SPAG16: variants seen among roughly 807,000 people sequenced by gnomAD.
The protein encoded by SPAG16 is sperm associated antigen 16.
In SPAG16, 86 loss-of-function variants were observed where a neutral mutation model predicts 80.4. That is an observed-to-expected ratio of 1.07 (90% CI 0.90 to 1.28). The LOEUF is 1.28. Ranked by LOEUF, SPAG16 falls within the 50% of genes most tolerant of loss-of-function variation. SPAG16 has a pLI of 0.00. For synonymous variants in SPAG16, 294 were observed against 265.9 expected (o/e 1.11, Z -1.03); for missense variants, 870 against 765.3 (o/e 1.14, Z -1.61).
intron 15 of SPAG16, among the ~76,000 whole-genome samples, chr2:214,209,214 T>C (rs1404012659): frequency 6.6e-6 from 1 of 152,098 alleles, no homozygotes; most frequent in Non-Finnish European, 1.5e-5. Context: ...AGTGTAGTTA[T>C]TATATCTCTT....
intron 15 of SPAG16, among the ~76,000 whole-genome samples, chr2:214,297,710 T>C (rs1290508886): frequency 6.6e-6 from 1 of 152,150 alleles, no homozygotes; most frequent in African/African-American, 2.4e-5. Context: ...TTTATTTTTG[T>C]ATCAGAACCA....
intron 13 of SPAG16, among the ~76,000 whole-genome samples, chr2:214,019,493 T>G (rs777778506): frequency 6.6e-6 from 1 of 152,176 alleles, no homozygotes; most frequent in Non-Finnish European, 1.5e-5. Flanking sequence ...CGGGCACTTG[T>G]CCAGCTTACA....
chr2:213,502,123 T>C (rs2074768017), intron 10 of SPAG16, among the ~76,000 whole-genome samples: 1 of 152,148 alleles, frequency 6.6e-6, no homozygotes, highest in Non-Finnish European at 1.5e-5. Flanking sequence ...TGTATCTTTG[T>C]TGTTGTTGCT....
At chr2:214,327,646 ATTAAC>A (rs1340225219) in intron 15 of SPAG16, among the ~76,000 whole-genome samples, 4 of 152,190 alleles carry the variant, frequency 2.6e-5, no homozygotes, top group African/African-American at 4.8e-5. Flanking sequence ...AATTCAAACT[ATTAAC>A]TTAGCTACAT....
intron 13 of SPAG16, among the ~76,000 whole-genome samples, chr2:214,042,855 T>C (rs775999518): frequency 3.3e-5 from 5 of 152,186 alleles, no homozygotes; most frequent in Middle Eastern, 3.2e-3. Flanking sequence ...GAAGTTTTGA[T>C]GAAATATAGC....
intron 14 of SPAG16, among the ~76,000 whole-genome samples, chr2:214,130,478 A>T (rs568424665): frequency 9.8e-5 from 15 of 152,292 alleles, no homozygotes; most frequent in African/African-American, 3.4e-4. Context: ...CAAACCTGAG[A>T]TCTTTCTTCT....
intron 15 of SPAG16, among the ~76,000 whole-genome samples, chr2:214,320,200 TG>T (rs1039398821): frequency 2.6e-5 from 4 of 152,318 alleles, no homozygotes; most frequent in African/African-American, 9.6e-5. Context: ...CTGTTTTCTT[TG>T]GGTCCTTAGT....
intron 8 of SPAG16, among the ~76,000 whole-genome samples, chr2:213,369,301 A>T (rs1185377699): frequency 6.6e-6 from 1 of 152,212 alleles, no homozygotes; most frequent in Non-Finnish European, 1.5e-5. Flanking sequence ...AAAATGTTAA[A>T]TTCTGGTTAA....
chr2:214,128,502 T>G (rs1290051848), intron 14 of SPAG16, among the ~76,000 whole-genome samples: 1 of 151,826 alleles, frequency 6.6e-6, no homozygotes, highest in Non-Finnish European at 1.5e-5. Context: ...TACCCTCAAC[T>G]TTGGCCAGTT....
chr2:213,837,400 A>C (rs552269172), intron 10 of SPAG16, among the ~76,000 whole-genome samples: 1 of 152,346 alleles, frequency 6.6e-6, no homozygotes, highest in South Asian at 2.1e-4. Flanking sequence ...AAAATTACAA[A>C]TGACTCCCAA....
intron 9 of SPAG16, among the ~76,000 whole-genome samples, chr2:213,480,269 A>C (rs1367310159): frequency 6.6e-6 from 1 of 152,250 alleles, no homozygotes; most frequent in Admixed American, 6.5e-5. Flanking sequence ...AACTTTGGGC[A>C]TAAACTTGCA....
At chr2:213,888,091 C>G (rs1372193009) in intron 11 of SPAG16, among the ~76,000 whole-genome samples, 3 of 151,808 alleles carry the variant, frequency 2.0e-5, no homozygotes. Context: ...ACAGTGTTTA[C>G]CTTGAAGGAG....
At chr2:214,337,344 C>G (rs1261653862) in intron 15 of SPAG16, among the ~76,000 whole-genome samples, 1 of 151,920 alleles carries the variant, frequency 6.6e-6, no homozygotes, top group Non-Finnish European at 1.5e-5. Flanking sequence ...TTAGACACCT[C>G]TCACACAGTT....
intron 10 of SPAG16, among the ~76,000 whole-genome samples, chr2:213,850,053 C>T (rs2074824890): frequency 6.6e-6 from 1 of 152,130 alleles, no homozygotes; most frequent in African/African-American, 2.4e-5. Flanking sequence ...GAGATATTTT[C>T]ATAAATCTGG....
chr2:214,209,986 T>G (rs181423496), intron 15 of SPAG16, among the ~76,000 whole-genome samples: 29 of 152,176 alleles, frequency 1.9e-4, no homozygotes, highest in African/African-American at 7.0e-4. Flanking sequence ...ATGGAGAATT[T>G]AAGGTTTATA....
chr2:213,756,878 A>C (rs1405095183), intron 10 of SPAG16, among the ~76,000 whole-genome samples: 1 of 152,220 alleles, frequency 6.6e-6, no homozygotes, highest in Non-Finnish European at 1.5e-5. Flanking sequence ...TTGATAGTAG[A>C]TAGCTTTTTT....
chr2:213,957,303 A>G (rs758953785), intron 12 of SPAG16, among the ~76,000 whole-genome samples: 1 of 152,088 alleles, frequency 6.6e-6, no homozygotes, highest in Non-Finnish European at 1.5e-5. Flanking sequence ...TCTGTTATTC[A>G]TTGTGTAAAT....
chr2:214,375,060 T>C (rs73089228), intron 15 of SPAG16, among the ~76,000 whole-genome samples: 2,644 of 152,272 alleles, frequency 0.017, 74 homozygotes, highest in African/African-American at 0.06. Flanking sequence ...GTCTTGAACA[T>C]GTGTCAGAAC....
intron 13 of SPAG16, among the ~76,000 whole-genome samples, chr2:214,079,827 T>G (rs921704961): frequency 1.3e-5 from 2 of 152,230 alleles, no homozygotes; most frequent in African/African-American, 4.8e-5. Context: ...CCCAGGTTTT[T>G]GTCCTTGTTT....
Sources: allele counts gnomAD v4.1 joint callset (sites outside exome capture counted in the v4.1 genomes callset), GRCh38; gene constraint gnomAD v4.1.1; transcripts MANE v1.5; gene names NCBI Gene and HGNC (gene_info 2026-07-23, HGNC 2026-07-21).